HLA-F: variants seen among roughly 807,000 people sequenced by gnomAD.
HLA-F encodes the protein major histocompatibility complex, class I, F.
In HLA-F, 46 loss-of-function variants were observed where a neutral mutation model predicts 49.5. The ratio of observed to expected loss-of-function variants is 0.93; its 90% CI spans 0.73 to 1.19. HLA-F has a LOEUF of 1.19. HLA-F is among the 50% of genes most tolerant of loss of function. The pLI, the probability that HLA-F is intolerant of heterozygous loss-of-function variation, is 0.00. For missense variants in HLA-F, 496 were observed against 579.6 expected (o/e 0.86, Z 1.48); for synonymous variants, 203 against 233.5 (o/e 0.87, Z 1.19).
downstream of HLA-F, among the ~76,000 whole-genome samples, chr6:29,729,980 C>T (rs1633106): frequency 0.21 from 32,633 of 152,146 alleles, 3,800 homozygotes; most frequent in South Asian, 0.34. Flanking sequence ...TACAGTGGTA[C>T]AGCGACCATG....
chr6:29,736,675 T>G lies in HLA-F; in HGVS notation c.404-1447T>G, dbSNP rs958795609. ...CTCCCCAACCCTAGAGCAGACACTT[T>G]CTTGATTTCTAATATGATAGATTAG... On this transcript the variant is annotated intron_variant, in intron 3 of 4. Coordinates refer to the HLA-F transcript ENST00000465459. The G allele has an allele frequency of 2.2e-5, 6 of 278,550 alleles. No homozygotes were observed. In the East Asian group the frequency reaches 3.3e-4, roughly 15 times the overall value. 17.3% of individuals were successfully genotyped at this position (278,550 alleles called of 1,614,324 possible).
intron 2 of HLA-F, 43 bp from the exon 3 acceptor site, chr6:29,724,130 G>T: frequency 6.2e-7 from 1 of 1,608,416 alleles, no homozygotes; most frequent in East Asian, 2.2e-5. Context: ...GGCGGGGAGG[G>T]GGCGGGGCTA....
downstream of HLA-F, among the ~76,000 whole-genome samples, chr6:29,731,939 T>G (rs1419926692): frequency 1.3e-5 from 2 of 152,174 alleles, no homozygotes; most frequent in African/African-American, 2.4e-5. Context: ...AGTCTCTGGT[T>G]TAATATTTAT....
At position 29,723,505 on chromosome 6, in the gene HLA-F, G is replaced by C. The variant is rs777476736; in HGVS notation, c.42G>C (p.Leu14=). 2.5e-6 allele frequency: 4 copies of C among 1,613,160 alleles called. No individual in the cohort carries two copies. In the African/African-American group the frequency reaches 4.0e-5, roughly 16 times the overall value. ...TCCTCCTGCTGCTCTCAGGGGCCCT[G>C]GCCCTGACCGATACTTGGGCGGGTG... ...RSLLLLLSGA[L]ALTDTWAGSH... The change falls in exon 1 of 7, where the codon CTG becomes CTC. Residue 14 remains leucine (L), a synonymous_variant. Coordinates refer to ENST00000259951, the MANE Select transcript of HLA-F (RefSeq NM_001098479.2).
chr6:29,734,098 C>T (rs560530993), intron 3 of HLA-F, among the ~76,000 whole-genome samples: 34 of 152,214 alleles, frequency 2.2e-4, no homozygotes, highest in African/African-American at 7.0e-4. Flanking sequence ...AACTGAGAAC[C>T]CTGGAAGGTT....
At chr6:29,724,952 T>G (rs2072898) in intron 3 of HLA-F, 79 bp from the exon 4 acceptor site, 218,999 of 1,513,232 alleles carry the variant, frequency 0.14, 18,578 homozygotes, top group South Asian at 0.3. Context: ...GTCCTGTCCA[T>G]TCTCAGGTTG....
downstream of HLA-F, chr6:29,728,064 C>T (rs545498085): frequency 3.9e-6 from 2 of 519,026 alleles, no homozygotes; most frequent in African/African-American, 1.9e-5. Context: ...GTTGCCATGA[C>T]TGGAGTGAGG....
At position 29,726,947 on chromosome 6, in the gene HLA-F, G is replaced by A. The variant is rs759812556; in HGVS notation, c.1101G>A (p.Val367=). The change falls in exon 7 of 7, where the codon GTG becomes GTA. Residue 367 remains valine (V), a synonymous_variant. Transcript: ENST00000259951. ...TWWSSLFLLG[V]LFQGYLGCLR... is the part of the protein sequence containing the mutation. Reference sequence around the variant, plus strand: ...GGTCAAGCTTATTTCTCCTGGGGGTGCTCTTCCAAGGATATTTGGGCTGCC... The same window carrying A: ...GGTCAAGCTTATTTCTCCTGGGGGTACTCTTCCAAGGATATTTGGGCTGCC... The A allele has an allele frequency of 8.7e-6, 14 of 1,611,210 alleles. No individual in the cohort carries two copies. The South Asian group carries it at 1.4e-4, about 16-fold the overall frequency.
At position 29,725,021 on chromosome 6, in the gene HLA-F, C is replaced by T; in HGVS notation, c.611-10C>T. ...AGTGCAAAGTGCCTGAATTTTCTGACTCTTCTCAGATCCTCCAAAGGCACA... is the reference window on the plus strand; with the variant it reads ...AGTGCAAAGTGCCTGAATTTTCTGATTCTTCTCAGATCCTCCAAAGGCACA... On this transcript the variant is annotated splice_polypyrimidine_tract_variant and intron_variant, in intron 3 of 6. Coordinates refer to ENST00000259951, the MANE Select transcript of HLA-F (RefSeq NM_001098479.2). 6.2e-7 allele frequency: 1 copy of T among 1,610,974 alleles called. No individual in the cohort carries two copies. The highest frequency in any genetic ancestry group is 8.5e-7 in the Non-Finnish European group (1 of 1,178,018).
intron 6 of HLA-F, 46 bp downstream of exon 6, chr6:29,726,089 T>C: frequency 6.3e-7 from 1 of 1,586,444 alleles, no homozygotes; most frequent in East Asian, 2.2e-5. Flanking sequence ...GATATTGTGG[T>C]CAGGAGCCTA....
At chr6:29,734,339 TC>T (rs751030030) in intron 3 of HLA-F, among the ~76,000 whole-genome samples, 3 of 152,216 alleles carry the variant, frequency 2.0e-5, no homozygotes, top group African/African-American at 7.2e-5. Flanking sequence ...CAAATGACTT[TC>T]CTAACATAAG....
chr6:29,734,930 G>A (rs1344676214), intron 3 of HLA-F: 1 of 152,064 alleles, frequency 6.6e-6, no homozygotes, highest in African/African-American at 2.4e-5. Flanking sequence ...GTATCCTTTT[G>A]TAGCTGATTT....
At chr6:29,723,987 C>T (rs1775678116) in intron 2 of HLA-F, 60 bp downstream of exon 2, 8 of 1,558,454 alleles carry the variant, frequency 5.1e-6, no homozygotes, top group East Asian at 2.4e-5. Context: ...ACGGACCGCC[C>T]GGGTCCCTCA....
At position 29,726,723 on chromosome 6, in the gene HLA-F, T is replaced by C. The variant is rs1002503465; in HGVS notation, c.1037-160T>C. On this transcript the variant is annotated intron_variant, in intron 6 of 6. Coordinates refer to ENST00000259951, the MANE Select transcript of HLA-F (RefSeq NM_001098479.2). ...CCAAAGCATCGTAGTCAGGAGCCAGTCGAACATATGCCTTCCTCTCTCCAT... is the reference window on the plus strand; with the variant it reads ...CCAAAGCATCGTAGTCAGGAGCCAGCCGAACATATGCCTTCCTCTCTCCAT... The C allele has an allele frequency of 4.1e-6, 5 of 1,231,668 alleles. No homozygotes were observed. In the African/African-American group the frequency reaches 5.9e-5, roughly 15 times the overall value. 76.3% of individuals were successfully genotyped at this position (1,231,668 alleles called of 1,614,324 possible).
At chr6:29,724,908 G>C (rs1775846374) in intron 3 of HLA-F, 123 bp from the exon 4 acceptor site, 1 of 1,110,490 alleles carries the variant, frequency 9.0e-7, no homozygotes, top group East Asian at 2.5e-5. Context: ...CCAGGCTGGT[G>C]TCTGGGTTCT....
At chr6:29,726,274 G>A (rs772833668) in intron 6 of HLA-F, 7 of 1,061,060 alleles carry the variant, frequency 6.6e-6, no homozygotes, top group Non-Finnish European at 1.0e-5. Context: ...TGTTGGGGGG[G>A]AACAGAGGGG....
At chr6:29,731,227 G>GGATGGATAGATAGATA (rs1212859904), downstream of HLA-F, among the ~76,000 whole-genome samples, 19 of 131,240 alleles carry the variant, frequency 1.4e-4, no homozygotes, top group Non-Finnish European at 2.2e-4. Context: ...TAGAGTAGAT[G>GGATGGATAGATAGATA]GATACATAGA....
At chr6:29,724,576 C>A in intron 3 of HLA-F, 128 bp downstream of exon 3, 3 of 972,016 alleles carry the variant, frequency 3.1e-6, no homozygotes, top group South Asian at 3.3e-5. Flanking sequence ...TAGGAAGAAT[C>A]TTCCTGGCTT....
At position 29,724,308 on chromosome 6, in the gene HLA-F, C is replaced by T; in HGVS notation, c.470C>T (p.Ala157Val). Reference sequence around the variant, plus strand: ...GAGGACCTGCGCTCCTGGACCGCGGCGGACACCGTGGCTCAGATCACCCAG... The same window carrying T: ...GAGGACCTGCGCTCCTGGACCGCGGTGGACACCGTGGCTCAGATCACCCAG... Reference protein sequence around the residue: ...LNEDLRSWTAADTVAQITQRF... With the variant: ...LNEDLRSWTAVDTVAQITQRF... The change falls in exon 3 of 7, where the codon GCG (alanine) becomes GTG (valine). Residue 157 changes from alanine (A) to valine (V), a missense_variant. By Grantham distance (64) the Ala-to-Val change is moderately conservative. Transcript: ENST00000259951. 1 of 1,613,232 alleles carries T rather than the reference C, an allele frequency of 6.2e-7. No individual in the cohort carries two copies. Among genetic ancestry groups the T allele is most frequent in the Non-Finnish European group, 8.5e-7 (1 of 1,180,046 alleles).
Sources: gnomAD v4.1 joint callset for allele counts (sites outside exome capture counted in the v4.1 genomes callset) on GRCh38, gnomAD v4.1.1 for gene constraint, MANE v1.5 for transcripts, NCBI Gene and HGNC (gene_info 2026-07-23, HGNC 2026-07-21) for gene names.